The following KIF1B variants were observed in gnomAD, a reference collection of about 807,000 sequenced individuals.
The protein encoded by KIF1B is kinesin-like protein KIF1B.
Under a neutral mutation model 241.9 loss-of-function variants are expected in KIF1B, and 76 were observed. That is an observed-to-expected ratio of 0.31 (90% CI 0.26 to 0.38). The LOEUF (loss-of-function observed/expected upper bound fraction) is 0.38, where lower values mean the gene tolerates loss of function less well. Among genes scored for constraint, KIF1B ranks in the 10% least tolerant of loss-of-function variants. The pLI is 1.00. For synonymous variants in KIF1B, 750 were observed against 796.7 expected, an observed-to-expected ratio of 0.94 and a Z score of 0.99; for missense variants, 1,622 against 2,271.4, an observed-to-expected ratio of 0.71 and a Z score of 5.81.
At chr1:10,361,890 A>T in intron 40 of KIF1B, 65 bp downstream of exon 40, 1 of 1,575,628 alleles carries the variant, frequency 6.3e-7, no homozygotes, top group Non-Finnish European at 8.7e-7. Context: ...ATTAGTCCTT[A>T]AGTATTCTCG....
chr1:10,322,960 A>G (rs1375458691), intron 24 of KIF1B, among the ~76,000 whole-genome samples: 1 of 152,150 alleles, frequency 6.6e-6, no homozygotes, highest in Non-Finnish European at 1.5e-5. Flanking sequence ...ATGAGATAGG[A>G]TCTGGCTCTG....
chr1:10,319,954 C>T, intron 22 of KIF1B, 89 bp from the exon 23 acceptor site: 2 of 821,410 alleles, frequency 2.4e-6, no homozygotes, highest in Non-Finnish European at 2.1e-6. Context: ...TTTGCTTTCT[C>T]TACTTCCCCC....
intron 19 of KIF1B, 32 bp downstream of exon 19, chr1:10,295,798 A>G (rs373857760): frequency 2.0e-6 from 3 of 1,525,784 alleles, no homozygotes; most frequent in South Asian, 1.1e-5. Flanking sequence ...TTCAGCAACA[A>G]CATTTTCATT....
intron 14 of KIF1B, among the ~76,000 whole-genome samples, chr1:10,282,064 G>A (rs192715168): frequency 2.2e-4 from 34 of 152,330 alleles, no homozygotes; most frequent in South Asian, 6.2e-4. Context: ...GAGATACAGC[G>A]TTAACCTACA....
intron 2 of KIF1B, among the ~76,000 whole-genome samples, chr1:10,252,405 TTGTTGTTGTTGC>T (rs1647506756): frequency 6.6e-6 from 1 of 151,688 alleles, no homozygotes; most frequent in African/African-American, 2.4e-5. Flanking sequence ...GTTGTTGTTG[TTGTTGTTGTTGC>T]TGTTGTTACT....
At chr1:10,308,395 T>C in intron 22 of KIF1B, 1 of 1,048,464 alleles carries the variant, frequency 9.5e-7, no homozygotes, top group Non-Finnish European at 1.2e-6. Flanking sequence ...TATTAGGTGT[T>C]GTCCCATTAT....
intron 22 of KIF1B, among the ~76,000 whole-genome samples, chr1:10,302,950 A>G (rs1332171300): frequency 2.6e-5 from 4 of 152,234 alleles, no homozygotes; most frequent in Middle Eastern, 3.4e-3. Context: ...GCAAATCTTT[A>G]TATTGATAGA....
Position 10,292,371 on chromosome 1 carries a change from T to C in KIF1B, c.1590+249T>C, listed in dbSNP as rs75907853. 0.011 allele frequency: 4,958 copies of C among 441,334 alleles called. 230 individuals carry two copies. Among genetic ancestry groups the C allele is most frequent in the African/African-American group, 0.089 (4,482 of 50,290 alleles). 27.3% of individuals were successfully genotyped at this position (441,334 alleles called of 1,614,324 possible). On this transcript the variant is annotated intron_variant, in intron 17 of 48. Transcript: ENST00000676179. ...TAAGGCAATATGTAACCTTTGGCCA[T>C]GATTCAGTTTGTTTAGTCATCTTTA...
chr1:10,357,413 C>T (rs1301814450), intron 38 of KIF1B, among the ~76,000 whole-genome samples: 2 of 152,108 alleles, frequency 1.3e-5, no homozygotes, highest in Non-Finnish European at 2.9e-5. Flanking sequence ...TGACATTTCT[C>T]CCCAGTCTTG....
chr1:10,299,644 C>T (rs1038675708), intron 22 of KIF1B, among the ~76,000 whole-genome samples: 6 of 152,108 alleles, frequency 3.9e-5, no homozygotes, highest in Non-Finnish European at 8.8e-5. Flanking sequence ...CAGCATTAAA[C>T]AATGGAATTC....
chr1:10,211,284 G>A (rs191999940), intron 1 of KIF1B, among the ~76,000 whole-genome samples: 1 of 152,352 alleles, frequency 6.6e-6, no homozygotes, highest in East Asian at 1.9e-4. Flanking sequence ...CTCCTTTGTG[G>A]TGGGCATCGG....
At chr1:10,262,933 A>G (rs1648229111) in intron 5 of KIF1B, among the ~76,000 whole-genome samples, 1 of 152,112 alleles carries the variant, frequency 6.6e-6, no homozygotes, top group African/African-American at 2.4e-5. Flanking sequence ...TGGCTCTTTC[A>G]TGAAGTCTAT....
At chr1:10,270,083 A>G (rs187131091) in intron 7 of KIF1B, among the ~76,000 whole-genome samples, 93 of 152,258 alleles carry the variant, frequency 6.1e-4, no homozygotes, top group African/African-American at 2.1e-3. Flanking sequence ...TTATTGAGGT[A>G]TTATTGAAGT....
Position 10,279,120 on chromosome 1 carries a change from T to C in KIF1B, c.1204T>C (p.Ser402Pro). The change falls in exon 14 of 49, where the codon TCT (serine) becomes CCT (proline). Residue 402 changes from serine (S) to proline (P), a missense_variant. Around this residue, in one of 7 missense-constraint regions of KIF1B, gnomAD observed 201 missense variants for 301.2 expected, o/e 0.67. Transcript: ENST00000676179. ...IDIDPLIDDY[S>P]GSGSKYLKDF... The stretch of plus-strand genomic sequence containing the variant: ...AGTTGATCCATTGATCGATGATTAC[T>C]CTGGAAGTGGAAGCAAATGTGTGTA... The C allele has an allele frequency of 6.5e-7, 1 of 1,546,728 alleles. No individual in the cohort carries two copies. Among genetic ancestry groups the C allele is most frequent in the Non-Finnish European group, 8.7e-7 (1 of 1,143,818 alleles).
intron 10 of KIF1B, among the ~76,000 whole-genome samples, chr1:10,274,112 A>C (rs533581657): frequency 6.6e-6 from 1 of 151,508 alleles, no homozygotes; most frequent in South Asian, 2.1e-4. Context: ...AATTTTTTGT[A>C]TTTTTAGTAG....
intron 34 of KIF1B, among the ~76,000 whole-genome samples, chr1:10,343,643 A>G (rs1386834057): frequency 1.3e-5 from 2 of 152,164 alleles, no homozygotes; most frequent in African/African-American, 2.4e-5. Flanking sequence ...CTGTAATCCC[A>G]GCTACTTGGG....
intron 24 of KIF1B, 132 bp downstream of exon 24, chr1:10,321,989 T>A (rs1651543252): frequency 1.1e-6 from 1 of 877,470 alleles, no homozygotes. Flanking sequence ...CAGCTTTATA[T>A]ATGTCTTTAT....
intron 22 of KIF1B, chr1:10,308,695 AG>A: frequency 1.1e-6 from 1 of 874,948 alleles, no homozygotes; most frequent in Non-Finnish European, 1.4e-6. Flanking sequence ...TTTCATCTGA[AG>A]ATGGTTGTAA....
At chr1:10,276,183 CA>C (rs1019429503) in intron 11 of KIF1B, 137 bp from the exon 12 acceptor site, 3,695 of 615,468 alleles carry the variant, frequency 6.0e-3, no homozygotes, top group Non-Finnish European at 6.7e-3. Context: ...GACTCCCTCT[CA>C]AAAAAAAAAT....
Sources: gnomAD v4.1 joint callset for allele counts (sites outside exome capture counted in the v4.1 genomes callset) on GRCh38, gnomAD v4.1.1 for gene constraint, gnomAD v4.1.1 regional missense constraint, MANE v1.5 for transcripts, NCBI Gene and HGNC (gene_info 2026-07-23, HGNC 2026-07-21) for gene names.